Variants in FHIT observed in about 807,000 individuals in gnomAD.
The protein encoded by FHIT is bis(5'-adenosyl)-triphosphatase.
A neutral mutation model predicts 17.9 loss-of-function variants in FHIT; 19 were observed. The ratio of observed to expected loss-of-function variants is 1.06; its 90% CI spans 0.74 to 1.56. FHIT has a LOEUF of 1.56. FHIT is among the 40% of genes most tolerant of loss of function. The pLI, the probability that FHIT is intolerant of heterozygous loss-of-function variation, is 0.00. For missense variants in FHIT, 248 were observed against 189.2 expected (o/e 1.31, Z -1.82); for synonymous variants, 81 against 69.7 (o/e 1.16, Z -0.81).
At chr3:61,100,569 T>A (rs1312747168) in intron 2 of FHIT, among the ~76,000 whole-genome samples, 3 of 152,344 alleles carry the variant, frequency 2.0e-5, no homozygotes, top group Middle Eastern at 3.4e-3. Flanking sequence ...CCTTTGGGTA[T>A]ATACCCAGTA....
In FHIT at chr3:60,585,170, T is replaced by C. The variant is rs72887621; in HGVS notation, c.-17-48191A>G. 9.6e-3 allele frequency among the ~76,000 whole-genome samples: 1,464 copies of C among 152,102 alleles called. 22 individuals carry two copies. Among genetic ancestry groups the C allele is most frequent in the African/African-American group, 0.033 (1,387 of 41,534 alleles). ...TGTCAATAAATATGACAATAGTTCATGTGAGAGTAAGCTGAAGCTGAGTGG... is the reference window on the plus strand; with the variant it reads ...TGTCAATAAATATGACAATAGTTCACGTGAGAGTAAGCTGAAGCTGAGTGG... On this transcript the variant is annotated intron_variant, in intron 4 of 9. Coordinates refer to ENST00000492590, the MANE Select transcript of FHIT (RefSeq NM_002012.4).
At chr3:60,011,898 G>T (rs1700152538) in intron 6 of FHIT, among the ~76,000 whole-genome samples, 1 of 152,122 alleles carries the variant, frequency 6.6e-6, no homozygotes, top group South Asian at 2.1e-4. Flanking sequence ...ATTGTAGCTG[G>T]ACCCTTTTCC....
At chr3:59,920,132 A>G (rs1287090614) in intron 8 of FHIT, among the ~76,000 whole-genome samples, 4 of 152,216 alleles carry the variant, frequency 2.6e-5, no homozygotes, top group Non-Finnish European at 5.9e-5. Context: ...AGTAATAATA[A>G]CAGTAAGAAC....
At chr3:60,735,339 G>A (rs1421165684) in intron 4 of FHIT, among the ~76,000 whole-genome samples, 1 of 152,202 alleles carries the variant, frequency 6.6e-6, no homozygotes, top group Non-Finnish European at 1.5e-5. Context: ...CCCTTCTCCA[G>A]TTCTGACTCC....
At chr3:60,244,600 C>T (rs557388571) in intron 5 of FHIT, among the ~76,000 whole-genome samples, 2 of 152,090 alleles carry the variant, frequency 1.3e-5, no homozygotes, top group African/African-American at 4.8e-5. Context: ...ACAGAAGCCA[C>T]AAAATTGTAA....
At chr3:60,111,695 G>T (rs1704678162) in intron 5 of FHIT, among the ~76,000 whole-genome samples, 1 of 152,204 alleles carries the variant, frequency 6.6e-6, no homozygotes, top group African/African-American at 2.4e-5. Context: ...AAGCTGAAAT[G>T]CTGTCAAACT....
chr3:59,751,800 G>A, intron 9 of FHIT: 1 of 237,936 alleles, frequency 4.2e-6, no homozygotes, highest in Non-Finnish European at 8.2e-6. Flanking sequence ...GTGTTAGGGA[G>A]GCAGAGAAAG....
intron 5 of FHIT, among the ~76,000 whole-genome samples, chr3:60,093,083 C>G (rs1049050293): frequency 2.6e-5 from 4 of 152,162 alleles, no homozygotes; most frequent in Non-Finnish European, 5.9e-5. Context: ...GCTGCAGTAA[C>G]AGATTAACAC....
intron 3 of FHIT, among the ~76,000 whole-genome samples, chr3:60,853,247 T>G (rs1553748936): frequency 6.6e-6 from 1 of 152,180 alleles, no homozygotes; most frequent in Non-Finnish European, 1.5e-5. Context: ...AGTACCTATT[T>G]ATATAATATT....
rs561407299 is a variant in FHIT, at chr3:59,999,124, C to T, written c.279+12247G>A. On this transcript the variant is annotated intron_variant, in intron 7 of 9. Coordinates refer to ENST00000492590, the MANE Select transcript of FHIT (RefSeq NM_002012.4). ...TCCCTGACTCGGGTTTTCTCGCAGT[C>T]GACAAATGGGGCAGCAGATTCATTT... Among the ~76,000 whole-genome samples, 8 of 152,124 alleles carry T rather than the reference C, an allele frequency of 5.3e-5. No individual in the cohort carries two copies. In the South Asian group the frequency reaches 1.5e-3, roughly 28 times the overall value.
chr3:59,917,116 G>A (rs1005390204), intron 8 of FHIT, among the ~76,000 whole-genome samples: 2 of 152,188 alleles, frequency 1.3e-5, no homozygotes, highest in African/African-American at 4.8e-5. Flanking sequence ...CAGCCCTCAG[G>A]GCCAAATGGC....
At chr3:60,629,756 G>C (rs2039390415) in intron 4 of FHIT, among the ~76,000 whole-genome samples, 3 of 152,148 alleles carry the variant, frequency 2.0e-5, no homozygotes, top group East Asian at 1.9e-4. Flanking sequence ...TTGCTTTAAT[G>C]TATCTAGGTA....
intron 3 of FHIT, among the ~76,000 whole-genome samples, chr3:60,996,922 T>C: frequency 6.6e-6 from 1 of 152,228 alleles, no homozygotes; most frequent in East Asian, 1.9e-4. Context: ...ATTCAAGAAA[T>C]GAATTAAAAT....
intron 4 of FHIT, among the ~76,000 whole-genome samples, chr3:60,714,753 A>G (rs1483370452): frequency 6.6e-5 from 10 of 152,184 alleles, no homozygotes; most frequent in Non-Finnish European, 1.3e-4. Flanking sequence ...CTTCAAGGAG[A>G]ACTACAAACC....
chr3:60,196,929 AG>A (rs1702672068), intron 5 of FHIT, among the ~76,000 whole-genome samples: 1 of 152,146 alleles, frequency 6.6e-6, no homozygotes, highest in Admixed American at 6.5e-5. Context: ...TGGGGACCAC[AG>A]GTAAGTACAT....
chr3:60,940,435 A>C (rs976498973), intron 3 of FHIT, among the ~76,000 whole-genome samples: 1 of 152,166 alleles, frequency 6.6e-6, no homozygotes, highest in Admixed American at 6.5e-5. Flanking sequence ...AAGTTTTTTA[A>C]TTCTCAAAAT....
chr3:61,006,078 TAAAA>T (rs372842263), intron 3 of FHIT, among the ~76,000 whole-genome samples: 38 of 148,854 alleles, frequency 2.6e-4, no homozygotes, highest in African/African-American at 8.8e-4. Flanking sequence ...ACAAGGTTTT[TAAAA>T]AAAAAAAATT....
intron 3 of FHIT, among the ~76,000 whole-genome samples, chr3:60,922,096 G>T (rs1553768536): frequency 6.6e-6 from 1 of 152,158 alleles, no homozygotes; most frequent in Non-Finnish European, 1.5e-5. Flanking sequence ...CTAGAAAGGT[G>T]GATCTCTCAA....
chr3:60,064,272 T>C (rs1702408777), intron 5 of FHIT, among the ~76,000 whole-genome samples: 1 of 152,312 alleles, frequency 6.6e-6, no homozygotes, highest in African/African-American at 2.4e-5. Context: ...TTATAACTCT[T>C]ATTTGATGTT....
Sources: gnomAD v4.1 joint callset for allele counts (sites outside exome capture counted in the v4.1 genomes callset) on GRCh38, gnomAD v4.1.1 for gene constraint, MANE v1.5 for transcripts, NCBI Gene and HGNC (gene_info 2026-07-23, HGNC 2026-07-21) for gene names.